Variants in BNC2 observed in about 807,000 individuals in gnomAD.
BNC2 encodes zinc finger protein basonuclin-2.
A neutral mutation model predicts 76.3 loss-of-function variants in BNC2; 20 were observed. The ratio of observed to expected loss-of-function variants is 0.26; its 90% confidence interval spans 0.18 to 0.38. The LOEUF is 0.38. Ranked by LOEUF, BNC2 falls within the 10% of genes least tolerant of loss-of-function variation. The pLI is 1.00. For synonymous variants in BNC2, 582 were observed against 514.8 expected (o/e 1.13, Z -1.77); for missense variants, 1,382 against 1,399.8 (o/e 0.99, Z 0.20).
chr9:16,629,263 A>G (rs1821090939), intron 3 of BNC2, among the ~76,000 whole-genome samples: 1 of 152,240 alleles, frequency 6.6e-6, no homozygotes, highest in Non-Finnish European at 1.5e-5. Context: ...TTATATTAAC[A>G]TCACATCTTT....
chr9:16,723,592 G>C (rs770453414), intron 3 of BNC2, among the ~76,000 whole-genome samples: 12 of 151,956 alleles, frequency 7.9e-5, no homozygotes, highest in Non-Finnish European at 1.5e-4. Flanking sequence ...AAGATTTCTT[G>C]AGGAAAATTC....
chr9:16,417,911 AGCG>A lies in BNC2; in HGVS notation c.*1075_*1077del, dbSNP rs1407620490. ...AGAATCACCAAGTGTTTTTTTAAAA[AGCG>A]GTTTTCTGGTGGCCAACAAATTGGC... is the stretch of plus-strand genomic sequence containing the variant. On this transcript the variant is annotated 3_prime_UTR_variant, in exon 7 of 7. Transcript: ENST00000380672. 3 of 152,642 alleles carry A rather than the reference AGCG, an allele frequency of 2.0e-5. No individual in the cohort carries two copies. Among genetic ancestry groups the A allele is most frequent in the Non-Finnish European group, 4.4e-5 (3 of 68,034 alleles). 9.5% of individuals were successfully genotyped at this position (152,642 alleles called of 1,614,324 possible). A position where few individuals can be genotyped will look rare whatever the true frequency, so the allele number is the denominator to read the frequency against.
At chr9:16,800,861 T>G (rs925053380) in intron 1 of BNC2, among the ~76,000 whole-genome samples, 1 of 152,186 alleles carries the variant, frequency 6.6e-6, no homozygotes, top group African/African-American at 2.4e-5. Flanking sequence ...AAGATAGTTG[T>G]CTTTCTCTCC....
chr9:16,483,160 G>A (rs1355745295), intron 5 of BNC2, among the ~76,000 whole-genome samples: 1 of 152,106 alleles, frequency 6.6e-6, no homozygotes, highest in African/African-American at 2.4e-5. Flanking sequence ...TGAAAAACTC[G>A]GTTTTCCCCT....
chr9:16,579,275 T>C (rs1221297671), intron 4 of BNC2, among the ~76,000 whole-genome samples: 1 of 135,834 alleles, frequency 7.4e-6, no homozygotes, highest in African/African-American at 3.7e-5. Context: ...AATCACTCTT[T>C]AATTTATTAT....
At position 16,419,595 on chromosome 9, in the gene BNC2, G is replaced by A. The variant is rs764158622; in HGVS notation, c.2694C>T (p.Asp898=). 2 of 1,601,562 alleles carry A rather than the reference G, an allele frequency of 1.2e-6. No individual in the cohort carries two copies. Among genetic ancestry groups the A allele is most frequent in the Non-Finnish European group, 1.7e-6 (2 of 1,174,332 alleles). ...AGGGCTGCGACGAGTCCAGGCCCATGTCATCGAGTTCTTTGGTCAACAGTT... is the reference window on the plus strand; with the variant it reads ...AGGGCTGCGACGAGTCCAGGCCCATATCATCGAGTTCTTTGGTCAACAGTT... ...HRKLLTKELD[D]MGLDSSQPSL... Residue 898 remains aspartate, a synonymous_variant, in exon 7 of 7, where the codon GAC becomes GAT. Coordinates refer to ENST00000380672, the MANE Select transcript of BNC2 (RefSeq NM_017637.6).
chr9:16,833,382 C>G (rs963930486), intron 1 of BNC2, among the ~76,000 whole-genome samples: 1 of 152,148 alleles, frequency 6.6e-6, no homozygotes, highest in African/African-American at 2.4e-5. Flanking sequence ...GAACTCCATT[C>G]TTTTTCCATT....
intron 1 of BNC2, among the ~76,000 whole-genome samples, chr9:16,798,506 C>T (rs577071848): frequency 6.6e-6 from 1 of 152,280 alleles, no homozygotes; most frequent in African/African-American, 2.4e-5. Flanking sequence ...AGTACTAACC[C>T]TAAGATCAAA....
chr9:16,538,702 T>C (rs1285154538), intron 5 of BNC2, among the ~76,000 whole-genome samples: 1 of 152,206 alleles, frequency 6.6e-6, no homozygotes, highest in African/African-American at 2.4e-5. Flanking sequence ...ATATAAATGT[T>C]TTTAATTCAA....
rs540297434 is a variant in BNC2, at chr9:16,409,574, C to G, written c.*9415G>C. 3 of 152,592 alleles carry G rather than the reference C, an allele frequency of 2.0e-5. No homozygotes were observed. The East Asian group carries it at 5.8e-4, about 29-fold the overall frequency. 9.5% of individuals were successfully genotyped at this position (152,592 alleles called of 1,614,324 possible). ...ATACAAATTACAAGAGGTATTTGGA[C>G]AAAATATGAATAAAATTCCATTTAC... On this transcript the variant is annotated 3_prime_UTR_variant, in exon 7 of 7. Transcript: ENST00000380672.
chr9:16,438,484 G>A (rs530456739), intron 5 of BNC2, among the ~76,000 whole-genome samples: 62 of 152,218 alleles, frequency 4.1e-4, no homozygotes, highest in African/African-American at 1.5e-3. Flanking sequence ...CAGTAACTAT[G>A]AGATTTGCCT....
chr9:16,796,437 AG>A (rs1245952510), intron 1 of BNC2, among the ~76,000 whole-genome samples: 1 of 152,112 alleles, frequency 6.6e-6, no homozygotes, highest in African/African-American at 2.4e-5. Context: ...TCAGGAAGCA[AG>A]GAAGTATAGG....
chr9:16,561,880 T>C (rs1819027359), intron 4 of BNC2, among the ~76,000 whole-genome samples: 1 of 151,986 alleles, frequency 6.6e-6, no homozygotes, highest in Non-Finnish European at 1.5e-5. Context: ...GGCACGTGCC[T>C]GTAGTCCCAG....
At chr9:16,601,508 T>A (rs144839256) in intron 3 of BNC2, among the ~76,000 whole-genome samples, 2 of 152,282 alleles carry the variant, frequency 1.3e-5, no homozygotes, top group African/African-American at 2.4e-5. Context: ...AGTAAGCAGT[T>A]TCCTGAGGAG....
chr9:16,455,228 G>C (rs978547780), intron 5 of BNC2, among the ~76,000 whole-genome samples: 7 of 152,218 alleles, frequency 4.6e-5, no homozygotes, highest in African/African-American at 1.7e-4. Context: ...GTCCTGGCCA[G>C]AGTTTGAGAT....
intron 1 of BNC2, among the ~76,000 whole-genome samples, chr9:16,768,193 T>C (rs1295225335): frequency 6.6e-6 from 1 of 152,024 alleles, no homozygotes; most frequent in African/African-American, 2.4e-5. Flanking sequence ...CTTAAACTCC[T>C]GACCTCACGT....
intron 3 of BNC2, among the ~76,000 whole-genome samples, chr9:16,680,911 G>A (rs1027644557): frequency 2.6e-5 from 4 of 152,014 alleles, no homozygotes; most frequent in African/African-American, 7.2e-5. Context: ...TATCAATTTC[G>A]ACAATGGACA....
chr9:16,440,146 A>G (rs573028595), intron 5 of BNC2, among the ~76,000 whole-genome samples: 31 of 152,348 alleles, frequency 2.0e-4, no homozygotes, highest in Non-Finnish European at 4.0e-4. Flanking sequence ...TCCAGAGCTC[A>G]GAGAACAGAT....
intron 4 of BNC2, among the ~76,000 whole-genome samples, chr9:16,580,327 C>A (rs1026041057): frequency 6.6e-6 from 1 of 151,942 alleles, no homozygotes; most frequent in East Asian, 1.9e-4. Context: ...GAGCTGTATA[C>A]AGATATCTCC....
Sources: gnomAD v4.1 joint callset for allele counts (sites outside exome capture counted in the v4.1 genomes callset) on GRCh38, gnomAD v4.1.1 for gene constraint, MANE v1.5 for transcripts, NCBI Gene and HGNC (gene_info 2026-07-23, HGNC 2026-07-21) for gene names.